The following CSGALNACT2 variants were observed in gnomAD, a reference collection of about 807,000 sequenced individuals.
CSGALNACT2 encodes the protein chondroitin sulfate N-acetylgalactosaminyltransferase 2.
Under a neutral mutation model 55.3 loss-of-function variants are expected in CSGALNACT2, and 35 were observed. That is an observed-to-expected ratio of 0.63 (90% CI 0.48 to 0.84). CSGALNACT2 has a LOEUF of 0.84. Ranked by LOEUF, CSGALNACT2 falls within the 40% of genes least tolerant of loss-of-function variation. CSGALNACT2 has a pLI of 0.00. For missense variants in CSGALNACT2, 544 were observed against 657.5 expected (o/e 0.83, Z 1.89); for synonymous variants, 196 against 224.9 (o/e 0.87, Z 1.15).
chr10:43,160,793 C>G (rs1314992301), intron 4 of CSGALNACT2, among the ~76,000 whole-genome samples, 198 bp downstream of exon 4: 1 of 152,182 alleles, frequency 6.6e-6, no homozygotes, highest in African/African-American at 2.4e-5. Flanking sequence ...GCTTAGCAAG[C>G]AGCCTGGCAT....
intron 5 of CSGALNACT2, among the ~76,000 whole-genome samples, chr10:43,164,845 CAAAAA>C (rs762322937): frequency 8.5e-4 from 58 of 68,534 alleles, no homozygotes; most frequent in African/African-American, 3.1e-3. Context: ...GACTCCATCT[CAAAAA>C]AAAAAAAAAA....
chr10:43,145,018 A>G (rs1201029884), intron 1 of CSGALNACT2, among the ~76,000 whole-genome samples: 1 of 152,196 alleles, frequency 6.6e-6, no homozygotes, highest in Non-Finnish European at 1.5e-5. Flanking sequence ...TCCATTGTGT[A>G]TCTGTTTTAC....
chr10:43,178,755 A>T (rs757224280), intron 7 of CSGALNACT2, among the ~76,000 whole-genome samples: 5 of 150,594 alleles, frequency 3.3e-5, no homozygotes, highest in Non-Finnish European at 7.4e-5. Flanking sequence ...GGTTGATTCT[A>T]TGGGATGTGG....
At position 43,160,513 on chromosome 10, in the gene CSGALNACT2, G is replaced by A; in HGVS notation, c.898G>A (p.Asp300Asn). 1 of 1,568,446 alleles carries A rather than the reference G, an allele frequency of 6.4e-7. No individual in the cohort carries two copies. Among genetic ancestry groups the A allele is most frequent in the Non-Finnish European group, 8.8e-7 (1 of 1,140,584 alleles). Reference sequence around the variant, plus strand: ...TGTTAGGGATGTTTGTATTCATCAAGACAAGAAGATTCATCTCACAGTGGT... The same window carrying A: ...TGTTAGGGATGTTTGTATTCATCAAAACAAGAAGATTCATCTCACAGTGGT... ...QNFRDVCIHQ[D>N]KKIHLTVVYF... Residue 300 changes from aspartate to asparagine, a missense_variant, in exon 4 of 8, where the codon GAC (aspartate) becomes AAC (asparagine). Around this residue, in one of 2 missense-constraint regions of CSGALNACT2, gnomAD observed 374 missense variants for 401.3 expected, o/e 0.93. Transcript: ENST00000374466.
At chr10:43,174,641 A>C (rs1371454480) in intron 6 of CSGALNACT2, among the ~76,000 whole-genome samples, 1 of 152,132 alleles carries the variant, frequency 6.6e-6, no homozygotes, top group Non-Finnish European at 1.5e-5. Context: ...AATCTTTTCC[A>C]CATTCCACAT....
intron 7 of CSGALNACT2, among the ~76,000 whole-genome samples, chr10:43,181,198 G>A (rs116568020): frequency 3.9e-5 from 6 of 152,314 alleles, no homozygotes; most frequent in African/African-American, 7.2e-5. Flanking sequence ...GCAATTTGTC[G>A]ATTACAGTTA....
intron 1 of CSGALNACT2, among the ~76,000 whole-genome samples, chr10:43,138,814 T>C (rs1224760342): frequency 6.6e-6 from 1 of 152,236 alleles, no homozygotes; most frequent in Non-Finnish European, 1.5e-5. Flanking sequence ...GTTTTGTTTT[T>C]ACCTATTCAT....
Position 43,160,488 on chromosome 10 carries a change from T to C in CSGALNACT2, c.879-6T>C. On this transcript the variant is annotated splice_region_variant and splice_polypyrimidine_tract_variant and intron_variant, in intron 3 of 7. Transcript: ENST00000374466. Reference sequence around the variant, plus strand: ...TGAATAAACTTTTATTTTTCACTTCTGTTAGGGATGTTTGTATTCATCAAG... The same window carrying C: ...TGAATAAACTTTTATTTTTCACTTCCGTTAGGGATGTTTGTATTCATCAAG... 1 of 1,430,594 alleles carries C rather than the reference T, an allele frequency of 7.0e-7. No homozygotes were observed. Among genetic ancestry groups the C allele is most frequent in the Non-Finnish European group, 9.8e-7 (1 of 1,024,676 alleles). The allele number at this position is 1,430,594 out of a possible 1,614,324, so 88.6% of individuals were successfully genotyped here.
intron 2 of CSGALNACT2, among the ~76,000 whole-genome samples, chr10:43,156,478 C>T (rs988609964): frequency 6.6e-6 from 1 of 152,236 alleles, no homozygotes; most frequent in African/African-American, 2.4e-5. Context: ...TTTACACTCA[C>T]TGCTAGACAT....
At chr10:43,171,329 G>A (rs915593218) in intron 6 of CSGALNACT2, among the ~76,000 whole-genome samples, 1 of 151,922 alleles carries the variant, frequency 6.6e-6, no homozygotes, top group Non-Finnish European at 1.5e-5. Context: ...GAAGCGTGAA[G>A]GGAATGTAAA....
intron 4 of CSGALNACT2, chr10:43,162,616 C>G: frequency 1.0e-6 from 1 of 985,440 alleles, no homozygotes. Context: ...TTTGTTCCAT[C>G]TCTCCATTAC....
chr10:43,169,773 G>A (rs992659868), intron 6 of CSGALNACT2, among the ~76,000 whole-genome samples: 4 of 152,170 alleles, frequency 2.6e-5, no homozygotes, highest in Non-Finnish European at 4.4e-5. Flanking sequence ...AGCTTCCAGA[G>A]ACACTAAAAA....
intron 1 of CSGALNACT2, among the ~76,000 whole-genome samples, chr10:43,147,017 C>T (rs1238991797): frequency 4.3e-5 from 4 of 92,140 alleles, no homozygotes; most frequent in Non-Finnish European, 7.9e-5. Context: ...GCTCTGTCGC[C>T]CAGGCTGGAG....
At chr10:43,173,742 G>A (rs2003317) in intron 6 of CSGALNACT2, among the ~76,000 whole-genome samples, 4 of 152,046 alleles carry the variant, frequency 2.6e-5, no homozygotes, top group East Asian at 1.9e-4. Context: ...CGTGTAATCC[G>A]AGCACTTTGG....
rs1288754017 is a variant in CSGALNACT2, at chr10:43,169,166, C to T, written c.1254+2068C>T. 2.6e-5 allele frequency among the ~76,000 whole-genome samples: 4 copies of T among 152,192 alleles called. No individual in the cohort carries two copies. In the East Asian group the frequency reaches 7.7e-4, roughly 29 times the overall value. On this transcript the variant is annotated intron_variant, in intron 6 of 7. Transcript: ENST00000374466. ...CTACAAAAGTGAACTACTGTTAGCG[C>T]ATTCCCCCTGAGACCCTGTTCTAAT...
chr10:43,154,857 G>T (rs891359824), intron 1 of CSGALNACT2, 40 bp from the exon 2 acceptor site: 1 of 330,962 alleles, frequency 3.0e-6, no homozygotes, highest in Non-Finnish European at 5.5e-6. Context: ...ATATCCTTAA[G>T]GGAACAAAAT....
intron 1 of CSGALNACT2, among the ~76,000 whole-genome samples, chr10:43,148,011 GT>G (rs1838798561): frequency 6.6e-6 from 1 of 151,968 alleles, no homozygotes; most frequent in African/African-American, 2.4e-5. Context: ...TGTTCTAAGA[GT>G]TTTCTAGTTT....
At chr10:43,158,179 T>C (rs1039294830) in intron 2 of CSGALNACT2, among the ~76,000 whole-genome samples, 23 of 93,634 alleles carry the variant, frequency 2.5e-4, no homozygotes, top group African/African-American at 9.1e-4. Context: ...TATACACACA[T>C]ATATATATAC....
At chr10:43,173,297 T>C (rs2133147612) in intron 6 of CSGALNACT2, among the ~76,000 whole-genome samples, 1 of 152,334 alleles carries the variant, frequency 6.6e-6, no homozygotes, top group African/African-American at 2.4e-5. Flanking sequence ...ATAGTAGCCA[T>C]GTGTTGTTTA....
Sources: gnomAD v4.1 joint callset for allele counts (sites outside exome capture counted in the v4.1 genomes callset) on GRCh38, gnomAD v4.1.1 for gene constraint, gnomAD v4.1.1 regional missense constraint, MANE v1.5 for transcripts, NCBI Gene and HGNC (gene_info 2026-07-23, HGNC 2026-07-21) for gene names.